Variants in ENOSF1 observed in about 807,000 individuals in gnomAD.
ENOSF1 encodes the protein mitochondrial enolase superfamily member 1.
A neutral mutation model predicts 68.2 loss-of-function variants in ENOSF1; 73 were observed. That is an observed-to-expected ratio of 1.07 (90% CI 0.89 to 1.30). The LOEUF (loss-of-function observed/expected upper bound fraction) is 1.30. Ranked by LOEUF, ENOSF1 falls within the 50% of genes most tolerant of loss-of-function variation. ENOSF1 has a pLI of 0.00. For missense variants in ENOSF1, 589 were observed against 554.5 expected (o/e 1.06, Z -0.62); for synonymous variants, 223 against 210.4 (o/e 1.06, Z -0.52).
intron 14 of ENOSF1, 21 bp downstream of exon 14, chr18:677,321 AAGT>A (rs781262538): frequency 1.3e-6 from 2 of 1,592,410 alleles, no homozygotes; most frequent in East Asian, 4.5e-5. Context: ...CTGAAACAGA[AAGT>A]ATTAATGCCA....
chr18:690,945 T>C (rs1031433122), intron 7 of ENOSF1, 123 bp downstream of exon 7: 50 of 1,245,954 alleles, frequency 4.0e-5, no homozygotes, highest in South Asian at 1.2e-4. Context: ...TGAATGTTGA[T>C]TTGAGGGCCT....
rs2075063631 is a variant in ENOSF1 at position 671,781 on chromosome 18, TTTTC to T, written c.*2520_*2523del. ...AGAATTGAAGTGCAAATGTTTTTCC[TTTTC>T]TTTTTTTTTTGAGATGGAGTCTTTC... On this transcript the variant is annotated 3_prime_UTR_variant, in exon 16 of 16. Transcript: ENST00000647584. 1 of 239,388 alleles carries T rather than the reference TTTTC, an allele frequency of 4.2e-6. No homozygotes were observed. The highest frequency in any genetic ancestry group is 7.2e-6 in the Non-Finnish European group (1 of 139,716). 14.8% of individuals were successfully genotyped at this position (239,388 alleles called of 1,614,324 possible).
At chr18:668,671 A>G (rs1401806686), downstream of ENOSF1, among the ~76,000 whole-genome samples, 1 of 152,256 alleles carries the variant, frequency 6.6e-6, no homozygotes, top group Admixed American at 6.5e-5. Context: ...AGACAAGGAT[A>G]AAGTAGATTT....
intron 1 of ENOSF1, among the ~76,000 whole-genome samples, chr18:709,045 T>C (rs1254137024): frequency 6.6e-6 from 1 of 152,168 alleles, no homozygotes; most frequent in Non-Finnish European, 1.5e-5. Flanking sequence ...ATTAGCGGAA[T>C]GATCCAACAT....
At chr18:694,924 A>C (rs1025515950) in intron 3 of ENOSF1, among the ~76,000 whole-genome samples, 5 of 152,154 alleles carry the variant, frequency 3.3e-5, no homozygotes, top group Non-Finnish European at 7.4e-5. Flanking sequence ...ATGCTCTCTT[A>C]ACCCTAAATA....
chr18:694,201 G>T, intron 4 of ENOSF1, 47 bp downstream of exon 4: 1 of 1,562,732 alleles, frequency 6.4e-7, no homozygotes, highest in Non-Finnish European at 8.8e-7. Context: ...GAAAGTCAGT[G>T]TCGTACAGCT....
intron 9 of ENOSF1, chr18:686,503 G>A (rs780705932): frequency 1.3e-5 from 2 of 154,540 alleles, no homozygotes; most frequent in African/African-American, 2.4e-5. Context: ...GTTCCGGGAG[G>A]GAAAGTGATG....
chr18:700,744 G>T (rs2078252329), intron 2 of ENOSF1, among the ~76,000 whole-genome samples: 1 of 151,994 alleles, frequency 6.6e-6, no homozygotes, highest in African/African-American at 2.4e-5. Context: ...AATTAGCTGG[G>T]TGTGGTGGCA....
At chr18:693,860 T>C (rs2077448956) in intron 5 of ENOSF1, 22 bp downstream of exon 5, 1 of 1,613,014 alleles carries the variant, frequency 6.2e-7, no homozygotes, top group African/African-American at 1.3e-5. Context: ...GAAACAATTG[T>C]AACATTAACA....
chr18:687,757 G>A (rs1380421928), intron 9 of ENOSF1: 3 of 153,034 alleles, frequency 2.0e-5, no homozygotes, highest in Admixed American at 6.5e-5. Flanking sequence ...GAGCAGTGTG[G>A]AAAGGAGGTG....
At chr18:677,310 A>C in intron 14 of ENOSF1, 35 bp downstream of exon 14, 2 of 1,559,364 alleles carry the variant, frequency 1.3e-6, no homozygotes, top group South Asian at 2.2e-5. Flanking sequence ...GAGGGACCCT[A>C]CTGAAACAGA....
At position 689,214 on chromosome 18, in the gene ENOSF1, G is replaced by A. The variant is rs574497847; in HGVS notation, c.619-606C>T. 2.6e-5 allele frequency among the ~76,000 whole-genome samples: 4 copies of A among 152,220 alleles called. No individual in the cohort carries two copies. In the East Asian group the frequency reaches 5.8e-4, roughly 22 times the overall value. The stretch of plus-strand genomic sequence containing the variant: ...GACTCACTAAGTCACAGAGTCCTGC[G>A]GTCCACAAAATGAATGGCTTTGCAT... On this transcript the variant is annotated intron_variant, in intron 8 of 15. Coordinates refer to ENST00000647584, the MANE Select transcript of ENOSF1 (RefSeq NM_017512.7).
In ENOSF1 at chr18:693,865, T is replaced by C. The variant is rs1433017064; in HGVS notation, c.423+17A>G. The C allele has an allele frequency of 1.2e-6, 2 of 1,613,452 alleles. No individual in the cohort carries two copies. The highest frequency in any genetic ancestry group is 2.2e-5 in the South Asian group (2 of 90,800). ...TTCATTTACAGAAACAATTGTAACA[T>C]TAACAATGCTACTCACCATGTCCAC... On this transcript the variant is annotated intron_variant, in intron 5 of 15. Coordinates refer to ENST00000647584, the MANE Select transcript of ENOSF1 (RefSeq NM_017512.7).
chr18:667,239 A>C (rs375826741), downstream of ENOSF1, among the ~76,000 whole-genome samples: 3 of 13,448 alleles, frequency 2.2e-4, no homozygotes, highest in African/African-American at 1.4e-3. Context: ...ATGGAGATGG[A>C]GATGGTGATG....
intron 5 of ENOSF1, 102 bp from the exon 6 acceptor site, chr18:691,378 C>T: frequency 3.1e-6 from 3 of 959,078 alleles, no homozygotes; most frequent in Non-Finnish European, 3.1e-6. Context: ...CAAGGTCTCA[C>T]TCTGTTGCCC....
intron 15 of ENOSF1, among the ~76,000 whole-genome samples, chr18:674,774 CCTCCCAAAG>C (rs1157122561): frequency 6.6e-6 from 1 of 152,232 alleles, no homozygotes; most frequent in African/African-American, 2.4e-5. Flanking sequence ...CCTGCCTCAG[CCTCCCAAAG>C]TGTTGGGATT....
intron 7 of ENOSF1, 178 bp from the exon 8 acceptor site, chr18:690,809 A>T (rs2077078563): frequency 3.4e-6 from 5 of 1,467,316 alleles, no homozygotes; most frequent in Non-Finnish European, 3.6e-6. Flanking sequence ...GGATACTCTC[A>T]CGGACTGCCC....
At chr18:693,855 A>G in intron 5 of ENOSF1, 27 bp downstream of exon 5, 3 of 1,613,094 alleles carry the variant, frequency 1.9e-6, no homozygotes, top group Non-Finnish European at 2.5e-6. Context: ...TTACAGAAAC[A>G]ATTGTAACAT....
chr18:692,815 G>A (rs755650210), intron 5 of ENOSF1: 13 of 1,039,116 alleles, frequency 1.3e-5, no homozygotes, highest in African/African-American at 5.1e-5. Context: ...CTTCCCCTAC[G>A]GATGGCCCGG....
Sources: gnomAD v4.1 joint callset for allele counts (sites outside exome capture counted in the v4.1 genomes callset) on GRCh38, gnomAD v4.1.1 for gene constraint, MANE v1.5 for transcripts, NCBI Gene and HGNC (gene_info 2026-07-23, HGNC 2026-07-21) for gene names.